ASIC2: variants seen among roughly 807,000 people sequenced by gnomAD.
The protein encoded by ASIC2 is acid sensing ion channel subunit 2, also known as acid-sensing ion channel 2.
Under a neutral mutation model 57.3 loss-of-function variants are expected in ASIC2, and 25 were observed. The ratio of observed to expected loss-of-function variants is 0.44; its 90% CI spans 0.32 to 0.61. ASIC2 has a LOEUF of 0.61. ASIC2 is among the 20% of genes least tolerant of loss of function. The pLI, the probability that ASIC2 is intolerant of heterozygous loss-of-function variation, is 0.06. For missense variants in ASIC2, 641 were observed against 738.1 expected (o/e 0.87, Z 1.52); for synonymous variants, 319 against 307.5 (o/e 1.04, Z -0.39).
intron 1 of ASIC2, among the ~76,000 whole-genome samples, chr17:33,683,540 T>C (rs1908077651): frequency 6.6e-6 from 1 of 151,984 alleles, no homozygotes; most frequent in South Asian, 2.1e-4. Context: ...CCCAGATAGT[T>C]TTTTTTTAAA....
intron 3 of ASIC2, among the ~76,000 whole-genome samples, chr17:33,041,141 G>T: frequency 6.6e-6 from 1 of 152,120 alleles, no homozygotes; most frequent in East Asian, 1.9e-4. Flanking sequence ...GCTGAGGGGT[G>T]GTGGGAAGAA....
At chr17:33,580,780 C>T (rs933193980) in intron 1 of ASIC2, among the ~76,000 whole-genome samples, 1 of 152,152 alleles carries the variant, frequency 6.6e-6, no homozygotes, top group African/African-American at 2.4e-5. Context: ...ATTGTAGCAC[C>T]TCCCCAAGAT....
chr17:33,893,328 C>T (rs1915011859), intron 1 of ASIC2, among the ~76,000 whole-genome samples: 1 of 152,204 alleles, frequency 6.6e-6, no homozygotes, highest in Admixed American at 6.5e-5. Flanking sequence ...ATGAGTAACA[C>T]ACTTTGGGCC....
intron 1 of ASIC2, among the ~76,000 whole-genome samples, chr17:33,309,365 T>A (rs1906312327): frequency 6.6e-6 from 1 of 152,164 alleles, no homozygotes; most frequent in African/African-American, 2.4e-5. Flanking sequence ...AATATTTCAA[T>A]CCATTTTTGA....
intron 1 of ASIC2, among the ~76,000 whole-genome samples, chr17:33,267,181 C>T (rs1909495248): frequency 1.3e-5 from 2 of 152,134 alleles, no homozygotes; most frequent in African/African-American, 4.8e-5. Flanking sequence ...ACTGCACTCA[C>T]ACACATGCCC....
intron 1 of ASIC2, among the ~76,000 whole-genome samples, chr17:33,966,405 G>A (rs1905075594): frequency 6.6e-6 from 1 of 152,270 alleles, no homozygotes; most frequent in Non-Finnish European, 1.5e-5. Flanking sequence ...ATTCCATGGA[G>A]AATCCTATGA....
At chr17:33,623,732 TTC>T (rs1310171777) in intron 1 of ASIC2, among the ~76,000 whole-genome samples, 2 of 152,196 alleles carry the variant, frequency 1.3e-5, no homozygotes, top group Non-Finnish European at 2.9e-5. Context: ...TTCTTTTTCA[TTC>T]TGTTTGTAGT....
intron 1 of ASIC2, among the ~76,000 whole-genome samples, chr17:33,444,909 T>C (rs1479306345): frequency 6.6e-6 from 1 of 152,188 alleles, no homozygotes; most frequent in East Asian, 1.9e-4. Context: ...CTTTTGTAAA[T>C]AAAGTTTTAT....
At chr17:33,787,288 A>G (rs916168862) in intron 1 of ASIC2, among the ~76,000 whole-genome samples, 17 of 152,232 alleles carry the variant, frequency 1.1e-4, no homozygotes, top group African/African-American at 3.4e-4. Flanking sequence ...AGTCTTTGTT[A>G]CTGGATAAAG....
At chr17:33,114,027 G>C (rs918833615) in intron 1 of ASIC2, among the ~76,000 whole-genome samples, 2 of 152,098 alleles carry the variant, frequency 1.3e-5, no homozygotes, top group Non-Finnish European at 2.9e-5. Flanking sequence ...AAGGATTATG[G>C]GGACTGCAAA....
intron 1 of ASIC2, among the ~76,000 whole-genome samples, chr17:33,137,404 C>G (rs2092370976): frequency 6.6e-6 from 1 of 152,152 alleles, no homozygotes; most frequent in Admixed American, 6.5e-5. Context: ...AATTTAAGGG[C>G]AATGGTACAT....
chr17:33,286,291 G>T lies in ASIC2; in HGVS notation c.708+5117C>A, dbSNP rs1905182144. 2.6e-5 allele frequency among the ~76,000 whole-genome samples: 4 copies of T among 152,200 alleles called. No individual in the cohort carries two copies. In the South Asian group the frequency reaches 8.3e-4, roughly 32 times the overall value. Reference sequence around the variant, plus strand: ...AACTCAAGGTTAACTCTTGCAGAGGGGGTTGGGCAATAGTGAAGGGTGCAG... The same window carrying T: ...AACTCAAGGTTAACTCTTGCAGAGGTGGTTGGGCAATAGTGAAGGGTGCAG... On this transcript the variant is annotated intron_variant, in intron 1 of 9. Coordinates refer to ENST00000225823, the MANE Select transcript of ASIC2 (RefSeq NM_183377.2).
chr17:33,212,291 G>A (rs1235797509), intron 1 of ASIC2, among the ~76,000 whole-genome samples: 3 of 152,128 alleles, frequency 2.0e-5, no homozygotes, highest in Non-Finnish European at 4.4e-5. Flanking sequence ...TAGTCCTGAG[G>A]GTCCTTGTAA....
chr17:33,453,109 A>G (rs970805556), intron 1 of ASIC2, among the ~76,000 whole-genome samples: 2 of 151,990 alleles, frequency 1.3e-5, no homozygotes, highest in Non-Finnish European at 2.9e-5. Flanking sequence ...TGAATATCAC[A>G]TGGTCTTCCC....
At chr17:33,915,994 A>G (rs1915576223) in intron 1 of ASIC2, among the ~76,000 whole-genome samples, 1 of 152,180 alleles carries the variant, frequency 6.6e-6, no homozygotes, top group African/African-American at 2.4e-5. Flanking sequence ...TCAAAAGAGG[A>G]TACCACAGGG....
chr17:34,025,356 T>A (rs1183049159), intron 1 of ASIC2, among the ~76,000 whole-genome samples: 1 of 152,310 alleles, frequency 6.6e-6, no homozygotes, highest in East Asian at 1.9e-4. Context: ...GTGCTGGGTG[T>A]CAGAGATACC....
intron 1 of ASIC2, among the ~76,000 whole-genome samples, chr17:33,737,150 C>T (rs910965096): frequency 6.6e-5 from 10 of 152,276 alleles, no homozygotes; most frequent in East Asian, 1.9e-4. Flanking sequence ...CCCTGCTCCA[C>T]GCCTCCACAT....
intron 1 of ASIC2, among the ~76,000 whole-genome samples, chr17:33,552,144 G>A (rs1316084123): frequency 1.3e-5 from 2 of 152,182 alleles, no homozygotes; most frequent in African/African-American, 2.4e-5. Flanking sequence ...GAGAGTTAAC[G>A]AATTTGAAGG....
intron 1 of ASIC2, among the ~76,000 whole-genome samples, chr17:33,922,197 C>T (rs1915722618): frequency 1.3e-5 from 2 of 152,122 alleles, no homozygotes; most frequent in South Asian, 2.1e-4. Context: ...AATCCTTGCT[C>T]GGCTGCTTGT....
Sources: allele counts gnomAD v4.1 joint callset (sites outside exome capture counted in the v4.1 genomes callset), GRCh38; gene constraint gnomAD v4.1.1; transcripts MANE v1.5; gene names NCBI Gene and HGNC (gene_info 2026-07-23, HGNC 2026-07-21).